The following JHY variants were observed in gnomAD, a reference collection of about 807,000 sequenced individuals.
JHY encodes junctional cadherin complex regulator.
JHY carries 69 observed loss-of-function variants against 78.0 expected under a neutral mutation model. The ratio of observed to expected loss-of-function variants is 0.88; its 90% confidence interval spans 0.73 to 1.08. The LOEUF (loss-of-function observed/expected upper bound fraction) is 1.08. JHY is among the 50% of genes least tolerant of loss of function. The pLI, the probability that JHY is intolerant of heterozygous loss-of-function variation, is 0.00. For missense variants in JHY, 944 were observed against 927.8 expected (o/e 1.02, Z -0.23); for synonymous variants, 368 against 342.6 (o/e 1.07, Z -0.82).
Position 122,928,859 on chromosome 11 carries a change from A to G in JHY, c.978+3849A>G, listed in dbSNP as rs1296983501. Among the ~76,000 whole-genome samples the G allele has an allele frequency of 3.9e-5, 6 of 152,200 alleles. No homozygotes were observed. The East Asian group carries it at 1.2e-3, about 29-fold the overall frequency. Reference sequence around the variant, plus strand: ...GAGACGGGGTTTCACCGTGTTAGCCAGGATGGTCTTGATCTCCTGACCTCG... The same window carrying G: ...GAGACGGGGTTTCACCGTGTTAGCCGGGATGGTCTTGATCTCCTGACCTCG... On this transcript the variant is annotated intron_variant, in intron 4 of 8. Coordinates refer to ENST00000227349, the MANE Select transcript of JHY (RefSeq NM_024806.4).
Position 122,935,118 on chromosome 11 carries a change from G to A in JHY, c.1634+43G>A. 3 of 1,481,920 alleles carry A rather than the reference G, an allele frequency of 2.0e-6. No individual in the cohort carries two copies. The highest frequency in any genetic ancestry group is 2.7e-6 in the Non-Finnish European group (3 of 1,104,412). The allele number at this position is 1,481,920 out of a possible 1,614,324, so 91.8% of individuals were successfully genotyped here. Reference sequence around the variant, plus strand: ...TCAAGTGGTTTTCTAGAGGAGAAAGGAGAGACTGCTGCAGAAAGACGGGAG... The same window carrying A: ...TCAAGTGGTTTTCTAGAGGAGAAAGAAGAGACTGCTGCAGAAAGACGGGAG... On this transcript the variant is annotated intron_variant, in intron 5 of 8. Coordinates refer to ENST00000227349, the MANE Select transcript of JHY (RefSeq NM_024806.4). This position sits in a 1 kb window ranked among gnomAD's most constrained non-coding sequence, Gnocchi z 4.5.
In JHY at chr11:122,934,726, G is replaced by T; in HGVS notation, c.1285G>T (p.Ala429Ser). ...TAACAATGATGTACAAGCCTCAAGGGCACTTAGAAGCCACAATCTCAAAGA... is the reference window on the plus strand; with the variant it reads ...TAACAATGATGTACAAGCCTCAAGGTCACTTAGAAGCCACAATCTCAAAGA... The part of the protein sequence containing the change: ...ASNNDVQASR[A>S]LRSHNLKETS... The change falls in exon 5 of 9, where the codon GCA (alanine) becomes TCA (serine). Residue 429 changes from alanine to serine, a missense_variant. Transcript: ENST00000227349. The T allele has an allele frequency of 6.2e-7, 1 of 1,614,130 alleles. No individual in the cohort carries two copies. The highest frequency in any genetic ancestry group is 1.3e-5 in the African/African-American group (1 of 75,022).
intron 5 of JHY, among the ~76,000 whole-genome samples, chr11:122,936,033 G>T (rs1863748236): frequency 6.6e-6 from 1 of 152,178 alleles, no homozygotes; most frequent in Admixed American, 6.5e-5. Context: ...TAGCAAGAGG[G>T]ATTGGGATTT....
At position 122,885,823 on chromosome 11, in the gene JHY, C is replaced by T. The variant is rs1862481647; in HGVS notation, c.-27C>T. On this transcript the variant is annotated 5_prime_UTR_variant, in exon 2 of 9. Coordinates refer to ENST00000227349, the MANE Select transcript of JHY (RefSeq NM_024806.4). ...AGCTGCTCCTATCAACACGAGTATC[C>T]CCTGTTAATTTTTTGCATTTTTCAA... is the stretch of plus-strand genomic sequence containing the variant. 3.3e-6 allele frequency: 5 copies of T among 1,531,512 alleles called. No homozygotes were observed. The highest frequency in any genetic ancestry group is 1.2e-5 in the South Asian group (1 of 85,078). 94.9% of individuals were successfully genotyped at this position (1,531,512 alleles called of 1,614,324 possible).
At chr11:122,957,626 C>A in intron 8 of JHY, 135 bp downstream of exon 8, 3 of 893,132 alleles carry the variant, frequency 3.4e-6, no homozygotes, top group Non-Finnish European at 3.1e-6. Flanking sequence ...AACTCCTGGG[C>A]TCAAGCTATC....
At chr11:122,905,237 G>A (rs1862962675) in intron 3 of JHY, 2 of 1,613,892 alleles carry the variant, frequency 1.2e-6, no homozygotes, top group Admixed American at 1.7e-5. Context: ...AGTAAACTTA[G>A]TTCCATTTCA....
intron 6 of JHY, among the ~76,000 whole-genome samples, chr11:122,954,189 C>T (rs953908169): frequency 2.0e-5 from 3 of 152,180 alleles, no homozygotes; most frequent in African/African-American, 7.2e-5. Flanking sequence ...TCTCCTTTTT[C>T]CTGGCTGCAA....
chr11:122,903,189 T>G (rs879820319), intron 2 of JHY, among the ~76,000 whole-genome samples: 1 of 152,234 alleles, frequency 6.6e-6, no homozygotes, highest in Non-Finnish European at 1.5e-5. Flanking sequence ...TGTTAGTCAG[T>G]GTATGAAATG....
chr11:122,959,499 A>G lies in JHY; in HGVS notation c.*54A>G, dbSNP rs932849083. On this transcript the variant is annotated 3_prime_UTR_variant, in exon 9 of 9. Transcript: ENST00000227349. ...ATGGTCCAGGAATGAACGTGGAGAA[A>G]AGAAACGCCAACCACCTTCTCTGCG... 4 of 1,515,592 alleles carry G rather than the reference A, an allele frequency of 2.6e-6. No homozygotes were observed. In the African/African-American group the frequency reaches 4.2e-5, roughly 16 times the overall value. The allele number at this position is 1,515,592 out of a possible 1,614,324, so 93.9% of individuals were successfully genotyped here. A position where few individuals can be genotyped will look rare whatever the true frequency, so the allele number is the denominator to read the frequency against.
At chr11:122,944,228 A>T (rs569662066) in intron 5 of JHY, among the ~76,000 whole-genome samples, 3 of 152,252 alleles carry the variant, frequency 2.0e-5, no homozygotes, top group African/African-American at 7.2e-5. Flanking sequence ...AGCTACTTAC[A>T]TTTATTGTGG....
At chr11:122,909,049 T>G (rs1170058862) in intron 3 of JHY, among the ~76,000 whole-genome samples, 2 of 152,208 alleles carry the variant, frequency 1.3e-5, no homozygotes, top group Non-Finnish European at 2.9e-5. Flanking sequence ...ATTTATACTT[T>G]TTGTGTATTT....
At chr11:122,951,482 A>G (rs539567240) in intron 6 of JHY, among the ~76,000 whole-genome samples, 95 of 152,238 alleles carry the variant, frequency 6.2e-4, no homozygotes, top group African/African-American at 2.2e-3. Flanking sequence ...TGCAGAGCAA[A>G]TTTCCTTCAC....
rs1862429785 is a variant in JHY at position 122,883,490 on chromosome 11, C to G, written c.-90+518C>G. Among the ~76,000 whole-genome samples, 2 of 152,112 alleles carry G rather than the reference C, an allele frequency of 1.3e-5. No individual in the cohort carries two copies. Among genetic ancestry groups the G allele is most frequent in the Non-Finnish European group, 2.9e-5 (2 of 68,018 alleles). ...CTGCAGGGATCCCTGGGGAGCTGGC[C>G]GCTTCTTAGTCCCTAGGTGCCATCG... On this transcript the variant is annotated intron_variant, in intron 1 of 8. Coordinates refer to ENST00000227349, the MANE Select transcript of JHY (RefSeq NM_024806.4). The surrounding 1 kb of genome is among the most constrained non-coding windows in gnomAD (Gnocchi z 4.4).
intron 3 of JHY, among the ~76,000 whole-genome samples, chr11:122,921,902 C>T (rs1353516618): frequency 6.6e-6 from 1 of 152,014 alleles, no homozygotes; most frequent in Non-Finnish European, 1.5e-5. Context: ...GAGAACCGCT[C>T]GAGCCCAGGA....
intron 1 of JHY, among the ~76,000 whole-genome samples, chr11:122,884,542 C>T (rs1389831165): frequency 6.6e-6 from 1 of 152,054 alleles, no homozygotes; most frequent in Non-Finnish European, 1.5e-5. Flanking sequence ...ACATCATGTC[C>T]GTTCGGTCCT....
chr11:122,923,181 G>T (rs1179403509), intron 3 of JHY, among the ~76,000 whole-genome samples: 1 of 152,192 alleles, frequency 6.6e-6, no homozygotes, highest in African/African-American at 2.4e-5. Context: ...GAGTTAGTCT[G>T]TTCTGTGTTA....
At chr11:122,902,044 C>G (rs936738583) in intron 2 of JHY, among the ~76,000 whole-genome samples, 15 of 151,664 alleles carry the variant, frequency 9.9e-5, no homozygotes, top group Non-Finnish European at 1.3e-4. Context: ...ACGGAGCTGT[C>G]ATCTCCTAGG....
At chr11:122,895,291 A>G (rs1461919338) in intron 2 of JHY, among the ~76,000 whole-genome samples, 7 of 152,248 alleles carry the variant, frequency 4.6e-5, no homozygotes, top group Admixed American at 1.3e-4. Flanking sequence ...TGCAGTTTCA[A>G]TTTAACTGCG....
chr11:122,960,780 A>C lies in JHY; in HGVS notation c.*1335A>C. ...TTCCATCAAACAAATCCAGGATGCAATTGATTTGGAGAAGTCGCAGCGCTC... is the reference window on the plus strand; with the variant it reads ...TTCCATCAAACAAATCCAGGATGCACTTGATTTGGAGAAGTCGCAGCGCTC... On this transcript the variant is annotated 3_prime_UTR_variant, in exon 9 of 9. Coordinates refer to ENST00000227349, the MANE Select transcript of JHY (RefSeq NM_024806.4). 1 of 500,998 alleles carries C rather than the reference A, an allele frequency of 2.0e-6. No homozygotes were observed. 31.0% of individuals were successfully genotyped at this position (500,998 alleles called of 1,614,324 possible). A position where few individuals can be genotyped will look rare whatever the true frequency, so the allele number is the denominator to read the frequency against.
Sources: allele counts gnomAD v4.1 joint callset (sites outside exome capture counted in the v4.1 genomes callset), GRCh38; gene constraint gnomAD v4.1.1; non-coding constraint Gnocchi (gnomAD v3.1); transcripts MANE v1.5; gene names NCBI Gene and HGNC (gene_info 2026-07-23, HGNC 2026-07-21).